Variants in FAM186A observed in about 807,000 individuals in gnomAD.
FAM186A encodes protein FAM186A.
FAM186A carries 163 observed loss-of-function variants against 216.8 expected under a neutral mutation model. The observed-to-expected ratio is 0.75, with a 90% CI of 0.66 to 0.86. The LOEUF (loss-of-function observed/expected upper bound fraction) is 0.86, where lower values mean the gene tolerates loss of function less well. Ranked by LOEUF, FAM186A falls within the 40% of genes least tolerant of loss-of-function variation. The probability of loss-of-function intolerance (pLI) is 0.00; values close to 1 mark genes in which losing one functional copy is unlikely to be tolerated. For missense variants in FAM186A, 2,184 were observed against 2,746.2 expected (o/e 0.80, Z 4.58); for synonymous variants, 805 against 1,025.3 (o/e 0.79, Z 4.10).
intron 4 of FAM186A, among the ~76,000 whole-genome samples, chr12:50,340,466 T>C (rs1385433637): frequency 1.3e-5 from 2 of 152,002 alleles, no homozygotes; most frequent in African/African-American, 2.4e-5. Flanking sequence ...TCCCAGTAGC[T>C]TGAGAGGCCA....
chr12:50,354,477 A>T lies in FAM186A; in HGVS notation c.2355T>A (p.Asp785Glu). 6.4e-7 allele frequency: 1 copy of T among 1,551,496 alleles called. No homozygotes were observed. Among genetic ancestry groups the T allele is most frequent in the Non-Finnish European group, 8.7e-7 (1 of 1,146,986 alleles). The change falls in exon 4 of 8, where the codon GAT becomes GAA. Residue 785 changes from aspartate to glutamate, a missense_variant. Coordinates refer to ENST00000327337, the MANE Select transcript of FAM186A (RefSeq NM_001145475.3). ...SSTLLSYEST[D>E]PVINNLIQMI... ...TTTGTATTAAATTGTTAATTACTGG[A>T]TCTGTGCTCTCATATGAGAGGAGGG...
At chr12:50,368,578 G>A (rs7972068) in intron 1 of FAM186A, among the ~76,000 whole-genome samples, 96,933 of 151,916 alleles carry the variant, frequency 0.64, 31,521 homozygotes, top group East Asian at 0.74. Context: ...TTGTTAAGAT[G>A]TCAATACTAC....
chr12:50,366,009 G>C (rs566748248), intron 1 of FAM186A: 1 of 764,450 alleles, frequency 1.3e-6, no homozygotes, highest in Non-Finnish European at 2.4e-6. Flanking sequence ...AAAGATCCTT[G>C]AACAGAAAGC....
At chr12:50,386,626 G>A (rs984636392) in intron 1 of FAM186A, among the ~76,000 whole-genome samples, 3 of 152,028 alleles carry the variant, frequency 2.0e-5, no homozygotes, top group East Asian at 3.9e-4. Context: ...TTGGGAGGCT[G>A]AGGCAGGCAG....
chr12:50,344,498 T>G (rs1260964285), intron 4 of FAM186A, among the ~76,000 whole-genome samples: 2 of 152,224 alleles, frequency 1.3e-5, no homozygotes, highest in African/African-American at 4.8e-5. Flanking sequence ...TATACCACAT[T>G]TTCTTTATCC....
rs981474419 is a variant in FAM186A, at chr12:50,355,290, T to C, written c.1542A>G (p.Ser514=). The C allele has an allele frequency of 2.6e-6, 4 of 1,550,942 alleles. No homozygotes were observed. The African/African-American group carries it at 5.5e-5, about 21-fold the overall frequency. The change falls in exon 4 of 8, where the codon TCA becomes TCG. Residue 514 remains serine (S), a synonymous_variant. Coordinates refer to ENST00000327337, the MANE Select transcript of FAM186A (RefSeq NM_001145475.3). ...KEMKSFSEDK[S]KSPTEAKRKH... is the part of the protein sequence containing the mutation. ...TTCTTTTTGCTTCAGTGGGTGACTT[T>C]GATTTATCTTCAGAAAAGGATTTCA...
chr12:50,364,579 A>AAAT (rs1399454168), intron 1 of FAM186A, among the ~76,000 whole-genome samples: 2 of 140,580 alleles, frequency 1.4e-5, no homozygotes, highest in African/African-American at 5.2e-5. Context: ...ATAAATAAAT[A>AAAT]AAATAAAAAT....
chr12:50,374,865 A>T lies in FAM186A; in HGVS notation c.193-11501T>A, dbSNP rs557475325. ...TCTATTTACAACAAAAAGTTTGTCCATGTAAAAACTCCCAAAGAATTTACC... is the reference window on the plus strand; with the variant it reads ...TCTATTTACAACAAAAAGTTTGTCCTTGTAAAAACTCCCAAAGAATTTACC... On this transcript the variant is annotated intron_variant, in intron 1 of 7. Coordinates refer to ENST00000327337, the MANE Select transcript of FAM186A (RefSeq NM_001145475.3). Among the ~76,000 whole-genome samples the T allele has an allele frequency of 5.3e-5, 8 of 152,232 alleles. No homozygotes were observed. In the South Asian group the frequency reaches 1.7e-3, roughly 31 times the overall value.
At chr12:50,392,707 T>C (rs1268817814) in intron 1 of FAM186A, 1 of 150,720 alleles carries the variant, frequency 6.6e-6, no homozygotes, top group Non-Finnish European at 1.5e-5. Flanking sequence ...CAAGCAATTC[T>C]ACTGCCTCAG....
At chr12:50,356,348 A>C in intron 3 of FAM186A, 100 bp from the exon 4 acceptor site, 1 of 875,202 alleles carries the variant, frequency 1.1e-6, no homozygotes, top group Non-Finnish European at 1.6e-6. Flanking sequence ...ATTAACTATA[A>C]CTAATTAAAT....
At chr12:50,367,335 T>C (rs4768855) in intron 1 of FAM186A, among the ~76,000 whole-genome samples, 1 of 151,354 alleles carries the variant, frequency 6.6e-6, no homozygotes, top group Non-Finnish European at 1.5e-5. Context: ...TGGCTAACAC[T>C]GTGAAACCCC....
chr12:50,388,841 T>C (rs188071330), intron 1 of FAM186A, among the ~76,000 whole-genome samples: 1 of 151,774 alleles, frequency 6.6e-6, no homozygotes, highest in African/African-American at 2.4e-5. Flanking sequence ...TCACTTGAGA[T>C]CAGGAGTTTG....
Position 50,331,747 on chromosome 12 carries a change from A to G in FAM186A, c.6771T>C (p.Ser2257=). 6.5e-7 allele frequency: 1 copy of G among 1,550,332 alleles called. No individual in the cohort carries two copies. Among genetic ancestry groups the G allele is most frequent in the Non-Finnish European group, 8.7e-7 (1 of 1,146,620 alleles). The part of the protein sequence containing the change: ...LIIEEKQIPA[S]TTFVQKPFLK... ...AGAATGGCTTTTGAACAAATGTGGT[A>G]GAGGCAGGTATCTGCTTTTCTTCGA... Residue 2257 remains serine (S), a synonymous_variant, in exon 6 of 8, where the codon TCT becomes TCC. Transcript: ENST00000327337.
Position 50,330,668 on chromosome 12 carries a change from G to C in FAM186A, c.6939C>G (p.Leu2313=). Residue 2313 remains leucine (L), a synonymous_variant, in exon 7 of 8, where the codon CTC becomes CTG. Transcript: ENST00000327337. ...PIAEKTSMHS[L]WAQLGGYPDI... ...CTGGGTACCCACCCAGCTGGGCCCA[G>C]AGTGAATGCATAGATGTCTTCTCTG... 2 of 1,550,720 alleles carry C rather than the reference G, an allele frequency of 1.3e-6. No homozygotes were observed. Among genetic ancestry groups the C allele is most frequent in the Non-Finnish European group, 1.7e-6 (2 of 1,146,592 alleles).
chr12:50,334,336 T>C (rs978515130), intron 4 of FAM186A, among the ~76,000 whole-genome samples: 17 of 152,030 alleles, frequency 1.1e-4, no homozygotes, highest in African/African-American at 3.9e-4. Flanking sequence ...CATGCCCAGC[T>C]AATTTTTGTA....
chr12:50,338,498 G>T (rs1171004636), intron 4 of FAM186A, among the ~76,000 whole-genome samples: 5 of 152,162 alleles, frequency 3.3e-5, no homozygotes, highest in African/African-American at 1.2e-4. Flanking sequence ...ACCATGCCTG[G>T]CCTCAACCAT....
At chr12:50,374,244 A>G (rs1218641706) in intron 1 of FAM186A, among the ~76,000 whole-genome samples, 6 of 151,848 alleles carry the variant, frequency 4.0e-5, no homozygotes, top group Non-Finnish European at 7.4e-5. Flanking sequence ...TGGCACATGT[A>G]TACATATGTA....
chr12:50,377,437 AT>A (rs1943208347), intron 1 of FAM186A, among the ~76,000 whole-genome samples: 2 of 151,612 alleles, frequency 1.3e-5, no homozygotes, highest in Non-Finnish European at 2.9e-5. Context: ...TAAATATAAA[AT>A]TTAACACTAT....
At chr12:50,379,345 C>A (rs1366621493) in intron 1 of FAM186A, among the ~76,000 whole-genome samples, 1 of 150,992 alleles carries the variant, frequency 6.6e-6, no homozygotes, top group Non-Finnish European at 1.5e-5. Context: ...GAGGCTGAGG[C>A]AGGAGAATGG....
Sources: gnomAD v4.1 joint callset for allele counts (sites outside exome capture counted in the v4.1 genomes callset) on GRCh38, gnomAD v4.1.1 for gene constraint, MANE v1.5 for transcripts, NCBI Gene and HGNC (gene_info 2026-07-23, HGNC 2026-07-21) for gene names.